MAP3K20: variants seen among roughly 807,000 people sequenced by gnomAD.
MAP3K20 encodes the protein HCCS-4.
Under a neutral mutation model 85.7 loss-of-function variants are expected in MAP3K20, and 40 were observed. That is an observed-to-expected ratio of 0.47 (90% CI 0.36 to 0.61). The LOEUF is 0.61. Ranked by LOEUF, MAP3K20 falls within the 20% of genes least tolerant of loss-of-function variation. MAP3K20 has a pLI of 0.00. For missense variants in MAP3K20, 817 were observed against 961.7 expected, an observed-to-expected ratio of 0.85 and a Z score of 1.99; for synonymous variants, 325 against 327.7, an observed-to-expected ratio of 0.99 and a Z score of 0.09.
intron 7 of MAP3K20, 47 bp downstream of exon 7, chr2:173,191,224 C>T (rs1183041580): frequency 6.2e-7 from 1 of 1,603,800 alleles, no homozygotes; most frequent in African/African-American, 1.3e-5. Flanking sequence ...ATACAAAAAG[C>T]AAACACTCAA....
At chr2:173,225,779 C>T (rs910307928) in intron 11 of MAP3K20, 33 of 984,954 alleles carry the variant, frequency 3.4e-5, no homozygotes, top group South Asian at 9.4e-5. Context: ...TTGTGAGTTT[C>T]GTGGCTTTAT....
chr2:173,258,690 T>C lies in MAP3K20; in HGVS notation c.1360-9T>C. 3 of 1,550,174 alleles carry C rather than the reference T, an allele frequency of 1.9e-6. No individual in the cohort carries two copies. The highest frequency in any genetic ancestry group is 2.6e-6 in the Non-Finnish European group (3 of 1,132,468). ...TTCTCAAATTCTGTAATTTTGTTTTTAATTCCAGGATTGTAAGTGGAAAAT... is the reference window on the plus strand; with the variant it reads ...TTCTCAAATTCTGTAATTTTGTTTTCAATTCCAGGATTGTAAGTGGAAAAT... On this transcript the variant is annotated splice_polypyrimidine_tract_variant and intron_variant, in intron 16 of 19. Coordinates refer to ENST00000375213, the MANE Select transcript of MAP3K20 (RefSeq NM_016653.3).
chr2:173,153,472 G>A (rs2106230076), intron 2 of MAP3K20, among the ~76,000 whole-genome samples: 1 of 152,270 alleles, frequency 6.6e-6, no homozygotes, highest in African/African-American at 2.4e-5. Context: ...ATGCATCACT[G>A]TTTCCCTGGT....
intron 2 of MAP3K20, among the ~76,000 whole-genome samples, chr2:173,141,151 ATAACTTTTTTATTTTG>A (rs1390565308): frequency 6.6e-6 from 1 of 152,138 alleles, no homozygotes; most frequent in Non-Finnish European, 1.5e-5. Context: ...ATTCCTTTTA[ATAACTTTTTTATTTTG>A]TATTTAAATA....
intron 16 of MAP3K20, among the ~76,000 whole-genome samples, chr2:173,253,468 G>A (rs1233923200): frequency 2.6e-5 from 4 of 152,120 alleles, no homozygotes; most frequent in Non-Finnish European, 5.9e-5. Context: ...TTAAACTTGT[G>A]ATCTTGCCCC....
At chr2:173,134,180 T>G (rs1688704043) in intron 2 of MAP3K20, among the ~76,000 whole-genome samples, 1 of 147,676 alleles carries the variant, frequency 6.8e-6, no homozygotes, top group African/African-American at 2.5e-5. Context: ...CCCTCCTTGT[T>G]TTCAATAGCT....
intron 1 of MAP3K20, among the ~76,000 whole-genome samples, chr2:173,085,178 C>A (rs1161494399): frequency 6.6e-6 from 1 of 152,154 alleles, no homozygotes; most frequent in Non-Finnish European, 1.5e-5. Context: ...TCCTATCAAT[C>A]TAATTCTAAA....
At chr2:173,104,734 T>A (rs1051546108) in intron 2 of MAP3K20, among the ~76,000 whole-genome samples, 1 of 152,056 alleles carries the variant, frequency 6.6e-6, no homozygotes, top group African/African-American at 2.4e-5. Context: ...TTAATTAATA[T>A]AAGGGGAAAA....
intron 3 of MAP3K20, among the ~76,000 whole-genome samples, chr2:173,179,702 G>GCACACACACACACA (rs1491499756): frequency 7.9e-5 from 6 of 76,078 alleles, no homozygotes; most frequent in African/African-American, 2.9e-4. Context: ...CCTAAGGAAT[G>GCACACACACACACA]CGCACACACA....
Position 173,215,286 on chromosome 2 carries a change from C to T in MAP3K20, c.852-1829C>T, listed in dbSNP as rs374430793. Reference sequence around the variant, plus strand: ...ACACTGAGGGCACCCAGCTCCACCACCTCCTTGCTGCCTTCTGACCGCCTC... The same window carrying T: ...ACACTGAGGGCACCCAGCTCCACCATCTCCTTGCTGCCTTCTGACCGCCTC... On this transcript the variant is annotated intron_variant, in intron 10 of 19. Coordinates refer to ENST00000375213, the MANE Select transcript of MAP3K20 (RefSeq NM_016653.3). Among the ~76,000 whole-genome samples the T allele has an allele frequency of 7.9e-5, 12 of 152,340 alleles. No homozygotes were observed. The East Asian group carries it at 1.3e-3, about 17-fold the overall frequency.
chr2:173,237,830 G>A (rs561383754), intron 14 of MAP3K20, among the ~76,000 whole-genome samples: 11 of 152,250 alleles, frequency 7.2e-5, no homozygotes, highest in East Asian at 1.9e-4. Flanking sequence ...CTCTGGCGGC[G>A]TTTGAAAAAT....
intron 19 of MAP3K20, 100 bp downstream of exon 19, chr2:173,263,995 G>A: frequency 1.4e-6 from 2 of 1,451,472 alleles, no homozygotes; most frequent in South Asian, 2.9e-5. Context: ...ACCTCAATCA[G>A]TTAAGATCTA....
rs35541382 is a variant in MAP3K20 at position 173,077,379 on chromosome 2, CAA to C, written c.-35+1396_-35+1397del. On this transcript the variant is annotated intron_variant, in intron 1 of 19. Transcript: ENST00000375213. ...AAATTTCACTTGTTTTTCAATTTTCCAAAAAAAAAAAAAAAAAAAAGTGATGG... is the reference window on the plus strand; with the variant it reads ...AAATTTCACTTGTTTTTCAATTTTCCAAAAAAAAAAAAAAAAAAGTGATGG... Among the ~76,000 whole-genome samples, 236 of 96,198 alleles carry C rather than the reference CAA, an allele frequency of 2.5e-3. 1 individual carries two copies. The highest frequency in any genetic ancestry group is 0.014 in the South Asian group (44 of 3,068). The allele number at this position is 96,198 out of a possible 152,430, so 63.1% of individuals were successfully genotyped here.
chr2:173,239,309 G>GAAAA, intron 15 of MAP3K20, 95 bp from the exon 16 acceptor site: 44 of 801,438 alleles, frequency 5.5e-5, no homozygotes, highest in South Asian at 1.3e-4. Flanking sequence ...GATTAGAATA[G>GAAAA]AAAAAAAAAA....
chr2:173,216,102 GCTTA>G (rs759670770), intron 10 of MAP3K20, among the ~76,000 whole-genome samples: 5 of 152,116 alleles, frequency 3.3e-5, no homozygotes, highest in Non-Finnish European at 7.4e-5. Context: ...CAGTATTGTG[GCTTA>G]CTTAAAGGCT....
intron 11 of MAP3K20, chr2:173,225,985 A>G (rs1024340375): frequency 4.1e-6 from 4 of 985,024 alleles, no homozygotes; most frequent in Non-Finnish European, 4.8e-6. Flanking sequence ...TTTTCTACTC[A>G]TTTTTGAAAG....
intron 11 of MAP3K20, chr2:173,222,031 C>G: frequency 3.1e-6 from 3 of 971,846 alleles, no homozygotes; most frequent in Non-Finnish European, 3.7e-6. Context: ...AGTAAGACCT[C>G]GTCTCTACTA....
At chr2:173,219,700 T>TAACA (rs1406648743) in intron 11 of MAP3K20, among the ~76,000 whole-genome samples, 1 of 152,218 alleles carries the variant, frequency 6.6e-6, no homozygotes, top group East Asian at 1.9e-4. Context: ...GTTATTGAAC[T>TAACA]AACAACTCCA....
At chr2:173,203,278 A>G (rs746551927) in intron 8 of MAP3K20, among the ~76,000 whole-genome samples, 3 of 152,184 alleles carry the variant, frequency 2.0e-5, no homozygotes, top group African/African-American at 4.8e-5. Flanking sequence ...GGTTTGACCA[A>G]AACAAAGCCG....
Sources: allele counts gnomAD v4.1 joint callset (sites outside exome capture counted in the v4.1 genomes callset), GRCh38; gene constraint gnomAD v4.1.1; transcripts MANE v1.5; gene names NCBI Gene and HGNC (gene_info 2026-07-23, HGNC 2026-07-21).